The following DLGAP2 variants were observed in gnomAD, a reference collection of about 807,000 sequenced individuals.
DLGAP2 encodes the protein disks large-associated protein 2.
A neutral mutation model predicts 100.3 loss-of-function variants in DLGAP2; 26 were observed. The observed-to-expected ratio is 0.26, with a 90% confidence interval of 0.19 to 0.36. The LOEUF (loss-of-function observed/expected upper bound fraction) is 0.36. Ranked by LOEUF, DLGAP2 falls within the 10% of genes least tolerant of loss-of-function variation. The probability of loss-of-function intolerance (pLI) is 1.00; values close to 1 mark genes in which losing one functional copy is unlikely to be tolerated. For missense variants in DLGAP2, 1,858 were observed against 1,453.2 expected (o/e 1.28, Z -4.53); for synonymous variants, 886 against 630.1 (o/e 1.41, Z -6.08).
chr8:744,942 A>G (rs1316539101), intron 1 of DLGAP2, among the ~76,000 whole-genome samples: 1 of 152,156 alleles, frequency 6.6e-6, no homozygotes, highest in Non-Finnish European at 1.5e-5. Context: ...GTCTGTCCGC[A>G]TGCTGTCCTC....
chr8:1,615,322 A>G (rs1797114762), intron 6 of DLGAP2, among the ~76,000 whole-genome samples: 1 of 152,194 alleles, frequency 6.6e-6, no homozygotes, highest in South Asian at 2.1e-4. Flanking sequence ...AGGATCGGCC[A>G]CAACCAAAAT....
intron 1 of DLGAP2, among the ~76,000 whole-genome samples, chr8:750,078 C>G (rs555591948): frequency 2.1e-4 from 32 of 152,378 alleles, no homozygotes; most frequent in African/African-American, 7.2e-4. Context: ...AGTTCATCAC[C>G]TCTGCAAAGC....
At position 1,410,832 on chromosome 8, in the gene DLGAP2, A is replaced by ATT. The variant is rs33928314; in HGVS notation, c.107-90516_107-90515dup. Among the ~76,000 whole-genome samples the ATT allele has an allele frequency of 1.7e-3, 228 of 135,228 alleles. 2 individuals carry two copies. The highest frequency in any genetic ancestry group is 3.9e-3 in the African/African-American group (144 of 36,864). 88.7% of individuals were successfully genotyped at this position (135,228 alleles called of 152,430 possible). ...AATGTCCTTGCTTCACTCTGGAGCCATTTTTTTTTTTTTTTTTTTAAACTT... is the reference window on the plus strand; with the variant it reads ...AATGTCCTTGCTTCACTCTGGAGCCATTTTTTTTTTTTTTTTTTTTTAAACTT... On this transcript the variant is annotated intron_variant, in intron 3 of 14. Transcript: ENST00000637795.
At chr8:1,297,553 C>T (rs1178995409) in intron 3 of DLGAP2, among the ~76,000 whole-genome samples, 12 of 121,472 alleles carry the variant, frequency 9.9e-5, no homozygotes, top group Non-Finnish European at 1.9e-4. Context: ...ACGTGGCAGG[C>T]ATGAACAGAC....
chr8:913,692 G>C (rs910147905), intron 2 of DLGAP2, among the ~76,000 whole-genome samples: 1 of 152,246 alleles, frequency 6.6e-6, no homozygotes, highest in Non-Finnish European at 1.5e-5. Context: ...TTTTGCAGAA[G>C]AGAAAACAGA....
chr8:1,046,554 C>T (rs911585090), intron 2 of DLGAP2, among the ~76,000 whole-genome samples: 7 of 152,138 alleles, frequency 4.6e-5, no homozygotes, highest in Non-Finnish European at 1.0e-4. Flanking sequence ...TGCATGTGGG[C>T]GTGTTTGAGG....
At chr8:1,144,962 C>T (rs1796581961) in intron 2 of DLGAP2, among the ~76,000 whole-genome samples, 1 of 152,222 alleles carries the variant, frequency 6.6e-6, no homozygotes, top group Non-Finnish European at 1.5e-5. Context: ...AGTCAGACCG[C>T]AGACGGCCTG....
At position 1,678,192 on chromosome 8, in the gene DLGAP2, TCTTC is replaced by T; in HGVS notation, c.2289-16_2289-13del. ...GTCCTCTCAGAAGGGCTACCATCTG[TCTTC>T]CTTCCCTCCTTTTGCAGACACGGAC... On this transcript the variant is annotated intron_variant, in intron 11 of 14. Coordinates refer to ENST00000637795, the MANE Select transcript of DLGAP2 (RefSeq NM_001346810.2). 6.3e-7 allele frequency: 1 copy of T among 1,585,190 alleles called. No individual in the cohort carries two copies. Among genetic ancestry groups the T allele is most frequent in the Middle Eastern group, 1.7e-4 (1 of 5,908 alleles).
At position 1,481,024 on chromosome 8, in the gene DLGAP2, T is replaced by C. The variant is rs560782472; in HGVS notation, c.107-20342T>C. On this transcript the variant is annotated intron_variant, in intron 3 of 14. Transcript: ENST00000637795. ...CATCTCTACTAAAAATACAAAAAATTAGCTGGGCGTGGTGGCGGGTGCCTG... is the reference window on the plus strand; with the variant it reads ...CATCTCTACTAAAAATACAAAAAATCAGCTGGGCGTGGTGGCGGGTGCCTG... Among the ~76,000 whole-genome samples, 10 of 151,740 alleles carry C rather than the reference T, an allele frequency of 6.6e-5. No homozygotes were observed. In the East Asian group the frequency reaches 2.0e-3, roughly 30 times the overall value.
intron 1 of DLGAP2, among the ~76,000 whole-genome samples, chr8:847,801 G>A (rs979462915): frequency 2.6e-5 from 4 of 152,124 alleles, no homozygotes; most frequent in South Asian, 2.1e-4. Context: ...GAGTCACTGC[G>A]CCTGGCCTTT....
chr8:1,186,753 C>T (rs1230561102), intron 2 of DLGAP2, among the ~76,000 whole-genome samples: 1 of 152,164 alleles, frequency 6.6e-6, no homozygotes, highest in African/African-American at 2.4e-5. Context: ...GTCGCCTCCC[C>T]TGGCTCTAAG....
At chr8:1,357,540 T>A (rs1000867819) in intron 3 of DLGAP2, among the ~76,000 whole-genome samples, 1 of 152,226 alleles carries the variant, frequency 6.6e-6, no homozygotes, top group East Asian at 1.9e-4. Flanking sequence ...ACAGCAAATA[T>A]TTCCCGCCTC....
chr8:810,856 C>A (rs866071833), intron 1 of DLGAP2, among the ~76,000 whole-genome samples: 8 of 152,324 alleles, frequency 5.3e-5, no homozygotes, highest in South Asian at 2.1e-4. Context: ...TCCTTAGGGA[C>A]ATGTGTTTAC....
chr8:1,170,111 A>G (rs1424737930), intron 2 of DLGAP2, among the ~76,000 whole-genome samples: 1 of 152,146 alleles, frequency 6.6e-6, no homozygotes, highest in Non-Finnish European at 1.5e-5. Context: ...GAATTTTGTC[A>G]AAGGCCTTTT....
In DLGAP2 at chr8:1,427,323, A is replaced by T. The variant is rs117992685; in HGVS notation, c.107-74043A>T. ...CACAACGACAAATGTAATATGATAA[A>T]TATGTATTACCAAGTGTAGAATAAA... On this transcript the variant is annotated intron_variant, in intron 3 of 14. Coordinates refer to ENST00000637795, the MANE Select transcript of DLGAP2 (RefSeq NM_001346810.2). Among the ~76,000 whole-genome samples, 608 of 152,348 alleles carry T rather than the reference A, an allele frequency of 4.0e-3. 19 individuals are homozygous for T. The East Asian group carries it at 0.098, about 24-fold the overall frequency.
intron 5 of DLGAP2, among the ~76,000 whole-genome samples, chr8:1,561,244 T>C (rs892718237): frequency 3.0e-5 from 2 of 65,778 alleles, no homozygotes; most frequent in Non-Finnish European, 7.3e-5. Flanking sequence ...TAAACCTCTT[T>C]CCTTTATAAA....
intron 3 of DLGAP2, among the ~76,000 whole-genome samples, chr8:1,290,414 C>G (rs945185557): frequency 3.3e-5 from 5 of 152,216 alleles, no homozygotes; most frequent in Non-Finnish European, 5.9e-5. Context: ...ACCAGCACAC[C>G]TGCACTCCTG....
chr8:1,269,778 G>A (rs1279755963), intron 3 of DLGAP2, among the ~76,000 whole-genome samples: 3 of 152,136 alleles, frequency 2.0e-5, no homozygotes, highest in Non-Finnish European at 4.4e-5. Flanking sequence ...AAAGGCTGGC[G>A]AGGATTTTTA....
chr8:809,933 T>G (rs911875121), intron 1 of DLGAP2, among the ~76,000 whole-genome samples: 1 of 152,236 alleles, frequency 6.6e-6, no homozygotes, highest in African/African-American at 2.4e-5. Context: ...CTAATTTCTC[T>G]TTGGTTGGCG....
Sources: gnomAD v4.1 joint callset for allele counts (sites outside exome capture counted in the v4.1 genomes callset) on GRCh38, gnomAD v4.1.1 for gene constraint, MANE v1.5 for transcripts, NCBI Gene and HGNC (gene_info 2026-07-23, HGNC 2026-07-21) for gene names.